Variants in TRERF1 observed in about 807,000 individuals in gnomAD.
TRERF1 encodes the protein transcriptional-regulating factor 1.
A neutral mutation model predicts 122.9 loss-of-function variants in TRERF1; 27 were observed. The ratio of observed to expected loss-of-function variants is 0.22; its 90% CI spans 0.16 to 0.30. TRERF1 has a LOEUF of 0.30. Ranked by LOEUF, TRERF1 falls within the 10% of genes least tolerant of loss-of-function variation. TRERF1 has a pLI of 1.00. For missense variants in TRERF1, 1,248 were observed against 1,560.3 expected, an observed-to-expected ratio of 0.80 and a Z score of 3.37; for synonymous variants, 636 against 641.7, an observed-to-expected ratio of 0.99 and a Z score of 0.13.
intron 2 of TRERF1, among the ~76,000 whole-genome samples, chr6:42,446,718 C>T (rs994865139): frequency 2.0e-5 from 3 of 151,884 alleles, no homozygotes; most frequent in African/African-American, 7.3e-5. Context: ...ACCCTCGTTC[C>T]GCAGCCGGGT....
intron 2 of TRERF1, among the ~76,000 whole-genome samples, chr6:42,435,590 A>G (rs1299851467): frequency 6.6e-6 from 1 of 152,134 alleles, no homozygotes; most frequent in African/African-American, 2.4e-5. Flanking sequence ...ATGAACTTAA[A>G]GATTTATGTA....
At chr6:42,294,485 G>T (rs1003460466) in intron 4 of TRERF1, among the ~76,000 whole-genome samples, 24 of 151,928 alleles carry the variant, frequency 1.6e-4, no homozygotes, top group African/African-American at 5.6e-4. Context: ...CGGCCTTAAT[G>T]TTGCAATTAA....
Position 42,408,272 on chromosome 6 carries a change from T to C in TRERF1, c.-454+42905A>G, listed in dbSNP as rs551855036. The stretch of plus-strand genomic sequence containing the variant: ...ATACATACACATGTGTGTGTATGTA[T>C]ATATACATACACATGTGTGTGTATG... On this transcript the variant is annotated intron_variant, in intron 2 of 17. Coordinates refer to ENST00000372922, the Ensembl canonical transcript of TRERF1. Among the ~76,000 whole-genome samples, 99 of 142,572 alleles carry C rather than the reference T, an allele frequency of 6.9e-4. 1 individual carries two copies. Among genetic ancestry groups the C allele is most frequent in the Non-Finnish European group, 2.1e-4 (14 of 65,158 alleles). 93.5% of individuals were successfully genotyped at this position (142,572 alleles called of 152,430 possible). A position where few individuals can be genotyped will look rare whatever the true frequency, so the allele number is the denominator to read the frequency against.
At chr6:42,299,402 C>A (rs1028584444) in intron 4 of TRERF1, among the ~76,000 whole-genome samples, 2 of 152,022 alleles carry the variant, frequency 1.3e-5, no homozygotes, top group African/African-American at 2.4e-5. Context: ...AGAAATAAAT[C>A]CCAATTCATC....
At chr6:42,303,999 A>G (rs1490640163) in intron 3 of TRERF1, among the ~76,000 whole-genome samples, 1 of 151,764 alleles carries the variant, frequency 6.6e-6, no homozygotes, top group African/African-American at 2.4e-5. Flanking sequence ...TATTGTGCCT[A>G]ACTGCTAAAT....
At chr6:42,444,736 A>G (rs903898398) in intron 2 of TRERF1, among the ~76,000 whole-genome samples, 1 of 151,960 alleles carries the variant, frequency 6.6e-6, no homozygotes, top group Non-Finnish European at 1.5e-5. Context: ...GATCTTTCCC[A>G]TCAGCACACA....
chr6:42,295,549 T>A (rs544856500), intron 4 of TRERF1, among the ~76,000 whole-genome samples: 21 of 152,286 alleles, frequency 1.4e-4, no homozygotes, highest in Non-Finnish European at 2.1e-4. Flanking sequence ...TGAGGCTCCT[T>A]CTCCAGCAGC....
intron 2 of TRERF1, among the ~76,000 whole-genome samples, chr6:42,420,749 G>C (rs1273460308): frequency 6.6e-6 from 1 of 152,152 alleles, no homozygotes; most frequent in Non-Finnish European, 1.5e-5. Context: ...CAGGAGTTGG[G>C]ATTGACTTTA....
intron 2 of TRERF1, among the ~76,000 whole-genome samples, chr6:42,445,279 A>AC (rs1218189158): frequency 6.0e-5 from 9 of 150,396 alleles, no homozygotes; most frequent in East Asian, 5.8e-4. Context: ...AAAAAAAAAA[A>AC]AACAAAAAAC....
chr6:42,288,218 T>G (rs72856389), intron 4 of TRERF1, among the ~76,000 whole-genome samples: 4,149 of 151,934 alleles, frequency 0.027, 57 homozygotes, highest in Non-Finnish European at 0.037. Flanking sequence ...GCAGTCTGGG[T>G]GTGTGCATGT....
intron 2 of TRERF1, among the ~76,000 whole-genome samples, chr6:42,385,558 A>T (rs1776651940): frequency 6.6e-6 from 1 of 152,156 alleles, no homozygotes. Flanking sequence ...ATCAGCTGAG[A>T]CTGTGCAGCA....
intron 2 of TRERF1, among the ~76,000 whole-genome samples, chr6:42,436,630 T>A (rs561988237): frequency 6.6e-6 from 1 of 151,732 alleles, no homozygotes; most frequent in Non-Finnish European, 1.5e-5. Context: ...CTGACTGCAG[T>A]GCTTAAATTT....
intron 3 of TRERF1, among the ~76,000 whole-genome samples, chr6:42,344,346 C>G (rs1039272943): frequency 6.6e-5 from 10 of 152,138 alleles, no homozygotes; most frequent in African/African-American, 2.4e-4. Flanking sequence ...CAGCACTGCT[C>G]TATGCATATC....
intron 16 of TRERF1, among the ~76,000 whole-genome samples, chr6:42,233,995 C>T (rs985495218): frequency 6.6e-6 from 1 of 152,168 alleles, no homozygotes; most frequent in African/African-American, 2.4e-5. Context: ...AACATCAGCA[C>T]TACTATCATT....
intron 2 of TRERF1, among the ~76,000 whole-genome samples, chr6:42,432,495 A>C (rs1784639774): frequency 6.6e-6 from 1 of 152,214 alleles, no homozygotes; most frequent in Non-Finnish European, 1.5e-5. Context: ...CAATTGAAGA[A>C]AATGTGAGTA....
At chr6:42,375,003 CAAAAAAAAAA>C (rs55696342) in intron 2 of TRERF1, among the ~76,000 whole-genome samples, 1 of 87,514 alleles carries the variant, frequency 1.1e-5, no homozygotes, top group African/African-American at 4.3e-5. Flanking sequence ...AAGATTCTGT[CAAAAAAAAAA>C]AAAAAAAAAA....
intron 4 of TRERF1, among the ~76,000 whole-genome samples, chr6:42,285,885 T>C (rs1458396967): frequency 2.0e-5 from 3 of 150,830 alleles, no homozygotes; most frequent in Non-Finnish European, 4.4e-5. Flanking sequence ...TTACCTGACT[T>C]CAAACTATAC....
In TRERF1 at chr6:42,244,251, C is replaced by T. The variant is rs544139723; in HGVS notation, c.2746-890G>A. Reference sequence around the variant, plus strand: ...CCAGGCTGGAGTGCAATGGCACGATCTCGGCTCACCACAACCTCCACCTCC... The same window carrying T: ...CCAGGCTGGAGTGCAATGGCACGATTTCGGCTCACCACAACCTCCACCTCC... On this transcript the variant is annotated intron_variant, in intron 14 of 17. Transcript: ENST00000372922. Among the ~76,000 whole-genome samples, 6 of 152,178 alleles carry T rather than the reference C, an allele frequency of 3.9e-5. No homozygotes were observed. In the East Asian group the frequency reaches 1.2e-3, roughly 29 times the overall value.
intron 4 of TRERF1, among the ~76,000 whole-genome samples, chr6:42,272,130 A>G (rs1029554360): frequency 2.0e-5 from 3 of 152,238 alleles, no homozygotes; most frequent in Non-Finnish European, 2.9e-5. Context: ...TCATAAAAAA[A>G]TGTGTGTGTA....
Sources: gnomAD v4.1 joint callset for allele counts (sites outside exome capture counted in the v4.1 genomes callset) on GRCh38, gnomAD v4.1.1 for gene constraint, MANE v1.5 for transcripts, NCBI Gene and HGNC (gene_info 2026-07-23, HGNC 2026-07-21) for gene names.